Variants in ADPGK observed in about 807,000 individuals in gnomAD.
ADPGK encodes ADP-dependent glucokinase.
Under a neutral mutation model 42.4 loss-of-function variants are expected in ADPGK, and 26 were observed. The ratio of observed to expected loss-of-function variants is 0.61; its 90% CI spans 0.45 to 0.85. The LOEUF is 0.85. Among genes scored for constraint, ADPGK ranks in the 40% least tolerant of loss-of-function variants. The probability of loss-of-function intolerance (pLI) is 0.00; values close to 1 mark genes in which losing one functional copy is unlikely to be tolerated. For missense variants in ADPGK, 571 were observed against 627.0 expected (o/e 0.91, Z 0.95); for synonymous variants, 267 against 252.6 (o/e 1.06, Z -0.54).
intron 1 of ADPGK, 64 bp downstream of exon 1, chr15:72,783,395 G>T: frequency 3.1e-6 from 4 of 1,310,464 alleles, no homozygotes; most frequent in Middle Eastern, 2.9e-4. Flanking sequence ...GTTTCTGCGC[G>T]GCTCCGCCCG....
intron 3 of ADPGK, among the ~76,000 whole-genome samples, chr15:72,767,849 G>A (rs956883063): frequency 6.6e-6 from 1 of 152,130 alleles, no homozygotes; most frequent in Non-Finnish European, 1.5e-5. Context: ...ACCCCTATAT[G>A]AGAAAACAGG....
At chr15:72,760,173 G>A (rs148311318) in intron 4 of ADPGK, 13 of 299,128 alleles carry the variant, frequency 4.3e-5, no homozygotes, top group Middle Eastern at 5.4e-4. Context: ...TCTTGGGTTC[G>A]GAGCAATTCT....
In ADPGK at chr15:72,756,450, G is replaced by A. The variant is rs752933093; in HGVS notation, c.644-3C>T. ...TTTTAACTGGCCCCACTCCTCCCCTGGAAAAACCCAGTCAACACAATGGGA... is the reference window on the plus strand; with the variant it reads ...TTTTAACTGGCCCCACTCCTCCCCTAGAAAAACCCAGTCAACACAATGGGA... On this transcript the variant is annotated splice_region_variant and splice_polypyrimidine_tract_variant and intron_variant, in intron 4 of 6. Coordinates refer to ENST00000456471, the MANE Select transcript of ADPGK (RefSeq NM_001365225.1). The A allele has an allele frequency of 1.2e-6, 2 of 1,613,976 alleles. No homozygotes were observed. Among genetic ancestry groups the A allele is most frequent in the South Asian group, 2.2e-5 (2 of 91,050 alleles).
intron 4 of ADPGK, among the ~76,000 whole-genome samples, chr15:72,758,861 T>G (rs2066151257): frequency 6.6e-6 from 1 of 152,244 alleles, no homozygotes; most frequent in African/African-American, 2.4e-5. Flanking sequence ...CTGGAACTCA[T>G]GGCAGCAATA....
chr15:72,766,163 A>G (rs897314164), intron 3 of ADPGK, among the ~76,000 whole-genome samples: 1 of 152,046 alleles, frequency 6.6e-6, no homozygotes, highest in Non-Finnish European at 1.5e-5. Flanking sequence ...AATTAAAAAA[A>G]ATTTTTTTTT....
chr15:72,768,975 C>A (rs376650770), intron 3 of ADPGK, among the ~76,000 whole-genome samples: 124 of 137,868 alleles, frequency 9.0e-4, no homozygotes, highest in African/African-American at 9.2e-4. Flanking sequence ...TCCTGTCTCT[C>A]AAAAAAAAAA....
chr15:72,754,385 A>G (rs531358032), intron 6 of ADPGK, among the ~76,000 whole-genome samples: 3 of 152,310 alleles, frequency 2.0e-5, no homozygotes, highest in African/African-American at 4.8e-5. Context: ...ATAAATGCAA[A>G]TTTTAACATT....
intron 1 of ADPGK, among the ~76,000 whole-genome samples, chr15:72,775,380 G>C (rs2066379268): frequency 6.6e-6 from 1 of 152,204 alleles, no homozygotes; most frequent in Non-Finnish European, 1.5e-5. Flanking sequence ...CAAAGCTACT[G>C]TAACAAAAAT....
chr15:72,779,247 T>TC (rs1342596957), intron 1 of ADPGK, among the ~76,000 whole-genome samples: 1 of 145,038 alleles, frequency 6.9e-6, no homozygotes, highest in Non-Finnish European at 1.5e-5. Flanking sequence ...CATGAGGGTT[T>TC]TTTTTTTTTT....
chr15:72,769,220 A>C (rs2066298937), intron 3 of ADPGK, among the ~76,000 whole-genome samples: 1 of 152,220 alleles, frequency 6.6e-6, no homozygotes, highest in Non-Finnish European at 1.5e-5. Context: ...TAATATGTGA[A>C]AGTCAATATA....
intron 1 of ADPGK, among the ~76,000 whole-genome samples, chr15:72,781,178 A>G (rs1178901943): frequency 1.3e-5 from 2 of 152,216 alleles, no homozygotes; most frequent in African/African-American, 4.8e-5. Flanking sequence ...TCTTTGGGTA[A>G]TAAATGATGA....
intron 1 of ADPGK, among the ~76,000 whole-genome samples, chr15:72,775,883 C>A (rs199579272): frequency 2.9e-5 from 1 of 34,292 alleles, no homozygotes; most frequent in Non-Finnish European, 7.1e-5. Context: ...TGCTTGAGAT[C>A]AGAGTGTTTC....
chr15:72,773,429 G>A (rs1325801771), intron 2 of ADPGK, among the ~76,000 whole-genome samples: 1 of 152,038 alleles, frequency 6.6e-6, no homozygotes, highest in Admixed American at 6.6e-5. Flanking sequence ...AAAAATCTTG[G>A]GAAAATAGTA....
At chr15:72,771,341 A>G (rs1444308320) in intron 3 of ADPGK, among the ~76,000 whole-genome samples, 1 of 152,264 alleles carries the variant, frequency 6.6e-6, no homozygotes, top group African/African-American at 2.4e-5. Context: ...GTTTTCCCTC[A>G]TGACTTGTAT....
At position 72,752,582 on chromosome 15, in the gene ADPGK, T is replaced by G. The variant is rs775579739; in HGVS notation, c.1253A>C (p.Glu418Ala). 1 of 1,614,226 alleles carries G rather than the reference T, an allele frequency of 6.2e-7. No individual in the cohort carries two copies. Among genetic ancestry groups the G allele is most frequent in the East Asian group, 2.2e-5 (1 of 44,894 alleles). Reference protein sequence around the residue: ...RVAGTQACATETIDTSRVSLR... With the variant: ...RVAGTQACATATIDTSRVSLR... ...AGACACTCGGCTGGTGTCTATGGTT[T>G]CTGTGGCGCAGGCCTGTGTCCCAGC... The change falls in exon 7 of 7, where the codon GAA (glutamate) becomes GCA (alanine). Residue 418 changes from glutamate (E) to alanine (A), a missense_variant. Glu to Ala is a moderately radical substitution (Grantham distance 107). This residue lies in a region of ADPGK where 434 missense variants were observed against 522.7 expected (regional missense o/e 0.83). Coordinates refer to ENST00000456471, the MANE Select transcript of ADPGK (RefSeq NM_001365225.1).
intron 3 of ADPGK, among the ~76,000 whole-genome samples, chr15:72,770,809 C>G (rs1029667632): frequency 6.6e-6 from 1 of 152,108 alleles, no homozygotes; most frequent in Non-Finnish European, 1.5e-5. Context: ...TAGTGTGGCT[C>G]CATATGAATT....
At position 72,783,511 on chromosome 15, in the gene ADPGK, A is replaced by G; in HGVS notation, c.181T>C (p.Trp61Arg). 2 of 1,472,332 alleles carry G rather than the reference A, an allele frequency of 1.4e-6. No individual in the cohort carries two copies. Among genetic ancestry groups the G allele is most frequent in the Non-Finnish European group, 1.8e-6 (2 of 1,118,918 alleles). 91.2% of individuals were successfully genotyped at this position (1,472,332 alleles called of 1,614,324 possible). A position where few individuals can be genotyped will look rare whatever the true frequency, so the allele number is the denominator to read the frequency against. ...ACTGGCCGCACGATAAGCGCGTCCCAGGCTGCCGCCAACCGGCCCTCGGGG... is the reference window on the plus strand; with the variant it reads ...ACTGGCCGCACGATAAGCGCGTCCCGGGCTGCCGCCAACCGGCCCTCGGGG... ...VSPEGRLAAA[W>R]DALIVRPVRR... The change falls in exon 1 of 7, where the codon TGG becomes CGG. Residue 61 changes from tryptophan to arginine, a missense_variant. Around this residue, in one of 2 missense-constraint regions of ADPGK, gnomAD observed 137 missense variants for 104.2 expected, o/e 1.31. Coordinates refer to ENST00000456471, the MANE Select transcript of ADPGK (RefSeq NM_001365225.1).
chr15:72,756,573 ACC>A (rs57545067), intron 4 of ADPGK, 126 bp from the exon 5 acceptor site: 117,430 of 980,516 alleles, frequency 0.12, 11,983 homozygotes, highest in East Asian at 0.51. Flanking sequence ...GGCTGAGGAG[ACC>A]CCAGCAACAA....
At chr15:72,768,433 G>T (rs552374499) in intron 3 of ADPGK, among the ~76,000 whole-genome samples, 4 of 152,174 alleles carry the variant, frequency 2.6e-5, no homozygotes, top group Non-Finnish European at 5.9e-5. Flanking sequence ...ATGGAAGGCT[G>T]AGGCAGGTGG....
Sources: gnomAD v4.1 joint callset for allele counts (sites outside exome capture counted in the v4.1 genomes callset) on GRCh38, gnomAD v4.1.1 for gene constraint, gnomAD v4.1.1 regional missense constraint, MANE v1.5 for transcripts, NCBI Gene and HGNC (gene_info 2026-07-23, HGNC 2026-07-21) for gene names.